PTPRE: variants seen among roughly 807,000 people sequenced by gnomAD.
PTPRE encodes the protein protein tyrosine phosphatase receptor type E.
In PTPRE, 51 loss-of-function variants were observed where a neutral mutation model predicts 102.0. The ratio of observed to expected loss-of-function variants is 0.50; its 90% CI spans 0.40 to 0.63. The LOEUF (loss-of-function observed/expected upper bound fraction) is 0.63, where lower values mean the gene tolerates loss of function less well. Among genes scored for constraint, PTPRE ranks in the 30% least tolerant of loss-of-function variants. The probability of loss-of-function intolerance (pLI) is 0.00; values close to 1 mark genes in which losing one functional copy is unlikely to be tolerated. For missense variants in PTPRE, 752 were observed against 915.1 expected, an observed-to-expected ratio of 0.82 and a Z score of 2.30; for synonymous variants, 345 against 348.2, an observed-to-expected ratio of 0.99 and a Z score of 0.10.
At chr10:127,960,521 C>T (rs887623533) in intron 1 of PTPRE, among the ~76,000 whole-genome samples, 2 of 152,208 alleles carry the variant, frequency 1.3e-5, no homozygotes, top group African/African-American at 2.4e-5. Flanking sequence ...CGTGCCTCCC[C>T]CGAGTCCGGT....
At chr10:127,996,295 G>A (rs142331558) in intron 2 of PTPRE, among the ~76,000 whole-genome samples, 3 of 152,316 alleles carry the variant, frequency 2.0e-5, no homozygotes, top group South Asian at 4.1e-4. Flanking sequence ...TAGATTACAA[G>A]GAAGATCTCG....
chr10:127,988,190 C>T (rs1356921998), intron 2 of PTPRE, among the ~76,000 whole-genome samples: 1 of 152,180 alleles, frequency 6.6e-6, no homozygotes, highest in Non-Finnish European at 1.5e-5. Context: ...GATACAGGAA[C>T]TCACCCTCAA....
intron 1 of PTPRE, among the ~76,000 whole-genome samples, chr10:127,935,719 T>G (rs1182827045): frequency 6.6e-6 from 1 of 152,154 alleles, no homozygotes; most frequent in Non-Finnish European, 1.5e-5. Context: ...AGTCCCTCCC[T>G]GAGGGCTGCC....
rs1238195524 is a variant in PTPRE, at chr10:128,085,096, C to G, written c.*2190C>G. ...AGGAACAAAGGAGAAGCCACTTTCC[C>G]CAGGACGCAAGACTCTCCCCTCCAC... On this transcript the variant is annotated 3_prime_UTR_variant, in exon 21 of 21. Transcript: ENST00000254667. 2.2e-6 allele frequency: 1 copy of G among 455,996 alleles called. No homozygotes were observed. The highest frequency in any genetic ancestry group is 2.4e-5 in the Admixed American group (1 of 42,546). 28.2% of individuals were successfully genotyped at this position (455,996 alleles called of 1,614,324 possible). A position where few individuals can be genotyped will look rare whatever the true frequency, so the allele number is the denominator to read the frequency against.
In PTPRE at chr10:128,068,144, G is replaced by T; in HGVS notation, c.865G>T (p.Ala289Ser). ...GCAGCAGCTCCCCGACGGCTGCAAA[G>T]CCCCCAGGCTGGTCTCACAGCTGCA... The part of the protein sequence containing the change: ...IQPQLPDGCK[A>S]PRLVSQLHFT... Residue 289 changes from alanine (A) to serine (S), a missense_variant, in exon 12 of 21, where the codon GCC (alanine) becomes TCC (serine). This residue lies in a region of PTPRE where 636 missense variants were observed against 824.4 expected (regional missense o/e 0.77). Transcript: ENST00000254667. 2 of 1,613,650 alleles carry T rather than the reference G, an allele frequency of 1.2e-6. No homozygotes were observed. Among genetic ancestry groups the T allele is most frequent in the South Asian group, 2.2e-5 (2 of 91,066 alleles).
intron 1 of PTPRE, among the ~76,000 whole-genome samples, chr10:127,932,089 G>C (rs1340537834): frequency 6.6e-6 from 1 of 152,086 alleles, no homozygotes; most frequent in East Asian, 1.9e-4. Context: ...TTATTTTGCA[G>C]TTCTTCTATT....
rs755570385 is a variant in PTPRE at position 128,063,166 on chromosome 10, A to T, written c.709A>T (p.Lys237Ter). ...SATIVMLTNL[K>*]ERKEEKCHQY... ...GACCATCGTCATGTTAACAAACTTG[A>T]AAGAAAGGAAAGAGGTGAGTTCCAG... Residue 237 changes from lysine (K) to a stop codon, truncating the protein, a stop_gained, in exon 10 of 21, where the codon AAA becomes TAA. Transcript: ENST00000254667. LOFTEE classifies it high-confidence loss of function. The T allele has an allele frequency of 6.2e-7, 1 of 1,614,200 alleles. No individual in the cohort carries two copies.
At chr10:128,040,286 G>A (rs1248826535) in intron 2 of PTPRE, among the ~76,000 whole-genome samples, 1 of 152,194 alleles carries the variant, frequency 6.6e-6, no homozygotes, top group East Asian at 1.9e-4. Flanking sequence ...GTCAGACTGA[G>A]TGTGCTGGAG....
intron 2 of PTPRE, among the ~76,000 whole-genome samples, chr10:128,031,635 G>A (rs756464484): frequency 6.6e-6 from 1 of 152,202 alleles, no homozygotes; most frequent in Non-Finnish European, 1.5e-5. Context: ...GGGCCATGAA[G>A]TACCTGTGAG....
At chr10:127,948,921 G>T (rs1457498501) in intron 1 of PTPRE, among the ~76,000 whole-genome samples, 5 of 152,220 alleles carry the variant, frequency 3.3e-5, no homozygotes, top group Non-Finnish European at 7.3e-5. Flanking sequence ...GGCAACATCC[G>T]ATCTGCTGGG....
At chr10:127,932,685 G>A (rs1273867182) in intron 1 of PTPRE, among the ~76,000 whole-genome samples, 3 of 152,204 alleles carry the variant, frequency 2.0e-5, no homozygotes, top group Admixed American at 6.5e-5. Context: ...GATTCCTCAC[G>A]CAGCAGTGAC....
chr10:128,038,171 TG>T lies in PTPRE; in HGVS notation c.-7-2703del, dbSNP rs533425669. On this transcript the variant is annotated intron_variant, in intron 2 of 20. Coordinates refer to ENST00000254667, the MANE Select transcript of PTPRE (RefSeq NM_006504.6). ...ATGTCTGTGCTCACCAGGTCACTTA[TG>T]CAAGCCCACTGAGAGTGAATGGCCA... Among the ~76,000 whole-genome samples, 255 of 152,278 alleles carry T rather than the reference TG, an allele frequency of 1.7e-3. 1 individual carries two copies. Among genetic ancestry groups the T allele is most frequent in the Admixed American group, 7.8e-3 (120 of 15,304 alleles).
intron 1 of PTPRE, among the ~76,000 whole-genome samples, chr10:127,930,925 T>A (rs1847388383): frequency 6.6e-6 from 1 of 151,984 alleles, no homozygotes; most frequent in African/African-American, 2.4e-5. Context: ...CCCACGTAGC[T>A]GGGATTACGA....
chr10:127,920,304 A>G (rs1846503751), intron 1 of PTPRE, among the ~76,000 whole-genome samples: 1 of 152,200 alleles, frequency 6.6e-6, no homozygotes, highest in Non-Finnish European at 1.5e-5. Flanking sequence ...GGGAAGGGGC[A>G]GCCCCTTGGA....
In PTPRE at chr10:128,028,056, G is replaced by A. The variant is rs1008105296; in HGVS notation, c.-7-12819G>A. ...CAGGGGAGGGTTCCGGCTTTGGCTG[G>A]GGGCGTGGGAGTCTCCAGAGGCAGC... is the stretch of plus-strand genomic sequence containing the variant. On this transcript the variant is annotated intron_variant, in intron 2 of 20. Coordinates refer to ENST00000254667, the MANE Select transcript of PTPRE (RefSeq NM_006504.6). The surrounding 1 kb of genome is among the most constrained non-coding windows in gnomAD (Gnocchi z 4.5). 2.0e-5 allele frequency among the ~76,000 whole-genome samples: 3 copies of A among 152,236 alleles called. No homozygotes were observed. Among genetic ancestry groups the A allele is most frequent in the African/African-American group, 7.2e-5 (3 of 41,458 alleles).
intron 17 of PTPRE, 80 bp downstream of exon 17, chr10:128,073,551 C>T (rs1850968408): frequency 4.0e-6 from 6 of 1,496,742 alleles, no homozygotes; most frequent in Non-Finnish European, 4.5e-6. Flanking sequence ...ACAAATGTCC[C>T]ACCTGCCATC....
rs115370648 is a variant in PTPRE at position 128,082,721 on chromosome 10, A to G, written c.2029-111A>G. Reference sequence around the variant, plus strand: ...TACGATGTGCATAAAGGTATATGGTATTTTAATGAATAGTCACACTTATTT... The same window carrying G: ...TACGATGTGCATAAAGGTATATGGTGTTTTAATGAATAGTCACACTTATTT... On this transcript the variant is annotated intron_variant, in intron 20 of 20. Coordinates refer to ENST00000254667, the MANE Select transcript of PTPRE (RefSeq NM_006504.6). The G allele has an allele frequency of 2.2e-4, 284 of 1,270,288 alleles. 1 individual carries two copies. The African/African-American group carries it at 4.0e-3, about 18-fold the overall frequency. The allele number at this position is 1,270,288 out of a possible 1,614,324, so 78.7% of individuals were successfully genotyped here. A position where few individuals can be genotyped will look rare whatever the true frequency, so the allele number is the denominator to read the frequency against.
At chr10:127,973,543 A>C (rs1457583937) in intron 1 of PTPRE, among the ~76,000 whole-genome samples, 1 of 152,096 alleles carries the variant, frequency 6.6e-6, no homozygotes, top group African/African-American at 2.4e-5. Context: ...ATGTTTCAGC[A>C]AAGTGGCTAG....
chr10:127,965,123 C>T, intron 1 of PTPRE: 1 of 373,726 alleles, frequency 2.7e-6, no homozygotes, highest in South Asian at 2.0e-5. Context: ...TACAAGTTGG[C>T]TTTTTTACTT....
Sources: allele counts gnomAD v4.1 joint callset (sites outside exome capture counted in the v4.1 genomes callset), GRCh38; gene constraint gnomAD v4.1.1; regional missense constraint gnomAD v4.1.1; non-coding constraint Gnocchi (gnomAD v3.1); transcripts MANE v1.5; gene names NCBI Gene and HGNC (gene_info 2026-07-23, HGNC 2026-07-21).